The following NCOR2 variants were observed in gnomAD, a reference collection of about 807,000 sequenced individuals.
The protein encoded by NCOR2 is nuclear receptor corepressor 2.
Under a neutral mutation model 262.9 loss-of-function variants are expected in NCOR2, and 81 were observed. The observed-to-expected ratio is 0.31, with a 90% CI of 0.26 to 0.37. The LOEUF (loss-of-function observed/expected upper bound fraction) is 0.37, where lower values mean the gene tolerates loss of function less well. Among genes scored for constraint, NCOR2 ranks in the 10% least tolerant of loss-of-function variants. The probability of loss-of-function intolerance (pLI) is 1.00; values close to 1 mark genes in which losing one functional copy is unlikely to be tolerated. For synonymous variants in NCOR2, 1,659 were observed against 1,559.3 expected (o/e 1.06, Z -1.51); for missense variants, 3,385 against 3,621.4 (o/e 0.93, Z 1.68).
chr12:124,534,650 G>A (rs187028479), intron 1 of NCOR2, among the ~76,000 whole-genome samples: 122 of 152,326 alleles, frequency 8.0e-4, no homozygotes, highest in Admixed American at 1.3e-3. Context: ...CACGAGCCCT[G>A]CAATGCCCTC....
intron 44 of NCOR2, among the ~76,000 whole-genome samples, chr12:124,328,028 T>TAAA (rs1488960733): frequency 6.6e-6 from 1 of 151,716 alleles, no homozygotes; most frequent in Admixed American, 6.6e-5. Context: ...GTTTTTTTTT[T>TAAA]AAATCTCAAG....
At chr12:124,333,908 GTGCGGGTGTGCA>G (rs1328123585) in intron 41 of NCOR2, among the ~76,000 whole-genome samples, 1 of 150,732 alleles carries the variant, frequency 6.6e-6, no homozygotes, top group African/African-American at 2.5e-5. Context: ...GCGCGCATGT[GTGCGGGTGTGCA>G]TGTGTGTGCG....
intron 19 of NCOR2, 87 bp from the exon 22 acceptor site, chr12:124,372,697 C>A: frequency 8.3e-7 from 1 of 1,209,654 alleles, no homozygotes; most frequent in South Asian, 1.4e-5. Flanking sequence ...CCGGATGAGG[C>A]CGCTCTGTCG....
At position 124,372,014 on chromosome 12, in the gene NCOR2, C is replaced by A. The variant is rs760167637; in HGVS notation, c.2807+8G>T. 1.7e-5 allele frequency: 27 copies of A among 1,578,824 alleles called. No individual in the cohort carries two copies. The highest frequency in any genetic ancestry group is 1.4e-4 in the East Asian group (6 of 44,362). Reference sequence around the variant, plus strand: ...AGCCAAGGTTAGGGCTGCCTGGCGCCCACTCACCGGTTCTTGTCGCCGCCC... The same window carrying A: ...AGCCAAGGTTAGGGCTGCCTGGCGCACACTCACCGGTTCTTGTCGCCGCCC... On this transcript the variant is annotated splice_region_variant and intron_variant, in intron 20 of 46. Coordinates refer to ENST00000405201, the Ensembl canonical transcript of NCOR2.
In NCOR2 at chr12:124,508,861, G is replaced by T. The variant is rs547357144; in HGVS notation, c.-117-13493C>A. Among the ~76,000 whole-genome samples the T allele has an allele frequency of 6.4e-3, 970 of 152,306 alleles. 9 individuals are homozygous for T. The highest frequency in any genetic ancestry group is 0.024 in the Middle Eastern group (7 of 294). Reference sequence around the variant, plus strand: ...CACTGGACGCCACAAGAGAGGTGAGGGAAGGCTGGGGAGCTGAAGCGGGCT... The same window carrying T: ...CACTGGACGCCACAAGAGAGGTGAGTGAAGGCTGGGGAGCTGAAGCGGGCT... On this transcript the variant is annotated intron_variant, in intron 1 of 46. Transcript: ENST00000404621.
At chr12:124,418,535 C>G (rs1392867315) in intron 13 of NCOR2, among the ~76,000 whole-genome samples, 1 of 152,232 alleles carries the variant, frequency 6.6e-6, no homozygotes, top group Non-Finnish European at 1.5e-5. Context: ...CAGCCACCTT[C>G]TCCCACCTGC....
intron 30 of NCOR2, 67 bp downstream of exon 32, chr12:124,347,758 C>G: frequency 6.7e-7 from 1 of 1,491,498 alleles, no homozygotes; most frequent in East Asian, 2.5e-5. Context: ...CTGTGTCTCT[C>G]CCTCCCGCGC....
chr12:124,563,290 T>A (rs1029999940), intron 1 of NCOR2, among the ~76,000 whole-genome samples: 12 of 152,206 alleles, frequency 7.9e-5, no homozygotes, highest in Admixed American at 6.5e-4. Flanking sequence ...CTTTCTAGAT[T>A]TATAAACCAA....
intron 33 of NCOR2, 115 bp downstream of exon 35, chr12:124,342,890 C>T (rs1173072850): frequency 1.7e-5 from 20 of 1,148,818 alleles, no homozygotes; most frequent in Middle Eastern, 2.8e-4. Context: ...GCCTCAGTTT[C>T]GCCATCCAGG....
exon 41 of NCOR2, chr12:124,334,584 G>T: frequency 7.1e-7 from 1 of 1,410,392 alleles, no homozygotes; most frequent in Non-Finnish European, 9.2e-7. Context: ...AGCTGCTGTG[G>T]GTGGTGCCGG....
chr12:124,446,478 C>T (rs2045179736), intron 7 of NCOR2, among the ~76,000 whole-genome samples: 1 of 152,154 alleles, frequency 6.6e-6, no homozygotes, highest in Non-Finnish European at 1.5e-5. Context: ...TGCCTACCTC[C>T]TTGGGCCATG....
At chr12:124,465,217 C>T (rs2136626651) in intron 5 of NCOR2, among the ~76,000 whole-genome samples, 1 of 152,242 alleles carries the variant, frequency 6.6e-6, no homozygotes, top group South Asian at 2.1e-4. Context: ...AGAGGAGGTT[C>T]CTCATCTGTC....
chr12:124,377,898 C>T (rs369266008), intron 18 of NCOR2, among the ~76,000 whole-genome samples: 29 of 151,880 alleles, frequency 1.9e-4, no homozygotes, highest in African/African-American at 6.5e-4. Flanking sequence ...ACTGTGACAT[C>T]GGATGGGGTG....
At chr12:124,330,674 C>T (rs565544892) in intron 44 of NCOR2, among the ~76,000 whole-genome samples, 171 bp downstream of exon 46, 2 of 152,366 alleles carry the variant, frequency 1.3e-5, no homozygotes, top group Non-Finnish European at 2.9e-5. Flanking sequence ...GAACAAGCCT[C>T]GCCTGCCTGT....
upstream of NCOR2, among the ~76,000 whole-genome samples, chr12:124,536,702 G>A (rs149315759): frequency 4.1e-3 from 619 of 152,304 alleles, 3 homozygotes; most frequent in African/African-American, 0.014. Flanking sequence ...ACCCGTTGCC[G>A]ACGGGATGCA....
intron 20 of NCOR2, among the ~76,000 whole-genome samples, chr12:124,367,346 T>C (rs560316742): frequency 6.6e-6 from 1 of 152,126 alleles, no homozygotes; most frequent in Non-Finnish European, 1.5e-5. Flanking sequence ...GAGGTACCAC[T>C]TTATAGTTTA....
At position 124,344,085 on chromosome 12, in the gene NCOR2, G is replaced by A. The variant is rs539309802; in HGVS notation, c.4714+512C>T. Among the ~76,000 whole-genome samples, 63 of 152,342 alleles carry A rather than the reference G, an allele frequency of 4.1e-4. 1 individual carries two copies. Among genetic ancestry groups the A allele is most frequent in the African/African-American group, 1.4e-3 (59 of 41,578 alleles). ...GGAAGGCGGGGACATGGCAGGCAGA[G>A]AGGAGGAGCCACGCAAAGGCCCCCA... On this transcript the variant is annotated intron_variant, in intron 32 of 46. Coordinates refer to ENST00000405201, the Ensembl canonical transcript of NCOR2.
At chr12:124,337,642 C>T (rs2135792310) in intron 37 of NCOR2, among the ~76,000 whole-genome samples, 1 of 152,304 alleles carries the variant, frequency 6.6e-6, no homozygotes, top group South Asian at 2.1e-4. Context: ...GGAGCTGGGC[C>T]TGCTCAGGAT....
intron 6 of NCOR2, among the ~76,000 whole-genome samples, chr12:124,452,635 C>T (rs1356989486): frequency 1.3e-5 from 2 of 152,224 alleles, no homozygotes; most frequent in African/African-American, 4.8e-5. Context: ...GCCCACAGCA[C>T]GCAGCCCTGG....
Sources: gnomAD v4.1 joint callset for allele counts (sites outside exome capture counted in the v4.1 genomes callset) on GRCh38, gnomAD v4.1.1 for gene constraint, MANE v1.5 for transcripts, NCBI Gene and HGNC (gene_info 2026-07-23, HGNC 2026-07-21) for gene names.